Variants in ADIPOR2 observed in about 807,000 individuals in gnomAD.
The protein encoded by ADIPOR2 is adiponectin receptor 2.
Under a neutral mutation model 40.9 loss-of-function variants are expected in ADIPOR2, and 18 were observed. The observed-to-expected ratio is 0.44, with a 90% CI of 0.30 to 0.65. ADIPOR2 has a LOEUF of 0.65. Among genes scored for constraint, ADIPOR2 ranks in the 30% least tolerant of loss-of-function variants. ADIPOR2 has a pLI of 0.09. For synonymous variants in ADIPOR2, 165 were observed against 166.4 expected, an observed-to-expected ratio of 0.99 and a Z score of 0.06; for missense variants, 283 against 479.2, an observed-to-expected ratio of 0.59 and a Z score of 3.82.
chr12:1,784,771 T>G (rs370114813), intron 7 of ADIPOR2, among the ~76,000 whole-genome samples: 1 of 152,180 alleles, frequency 6.6e-6, no homozygotes, highest in African/African-American at 2.4e-5. Flanking sequence ...GAAAAACTTA[T>G]AACCAAAGAG....
At chr12:1,713,431 T>A (rs1762700075) in intron 1 of ADIPOR2, among the ~76,000 whole-genome samples, 1 of 152,108 alleles carries the variant, frequency 6.6e-6, no homozygotes, top group South Asian at 2.1e-4. Flanking sequence ...TGTCTAACAA[T>A]ATCCTGTAAT....
intron 2 of ADIPOR2, among the ~76,000 whole-genome samples, chr12:1,759,238 G>A (rs912555871): frequency 2.0e-5 from 3 of 152,192 alleles, no homozygotes; most frequent in Non-Finnish European, 4.4e-5. Context: ...AAAGCAAATA[G>A]AACGAATATA....
intron 1 of ADIPOR2, among the ~76,000 whole-genome samples, chr12:1,739,215 T>A (rs2094737486): frequency 6.6e-6 from 1 of 152,234 alleles, no homozygotes; most frequent in African/African-American, 2.4e-5. Flanking sequence ...GCTCTCTGCC[T>A]TTATGTCTTT....
At chr12:1,707,641 G>T (rs2094666132) in intron 1 of ADIPOR2, among the ~76,000 whole-genome samples, 1 of 151,790 alleles carries the variant, frequency 6.6e-6, no homozygotes, top group Admixed American at 6.6e-5. Flanking sequence ...ATTTTATTTT[G>T]TAAAAATTTT....
chr12:1,750,560 C>T (rs2094766995), intron 1 of ADIPOR2, among the ~76,000 whole-genome samples: 1 of 151,950 alleles, frequency 6.6e-6, no homozygotes, highest in Non-Finnish European at 1.5e-5. Context: ...AGAGTGAGAC[C>T]CTGTGTCTCT....
intron 1 of ADIPOR2, among the ~76,000 whole-genome samples, chr12:1,735,629 T>C (rs1347137723): frequency 6.6e-6 from 1 of 152,200 alleles, no homozygotes; most frequent in Non-Finnish European, 1.5e-5. Context: ...CTTCCAACAC[T>C]ATGTTGAATA....
intron 1 of ADIPOR2, among the ~76,000 whole-genome samples, chr12:1,694,412 G>A (rs565093646): frequency 1.3e-5 from 2 of 152,262 alleles, no homozygotes; most frequent in South Asian, 2.1e-4. Flanking sequence ...AAATGGCATA[G>A]TATTTGCATA....
At position 1,757,382 on chromosome 12, in the gene ADIPOR2, A is replaced by G. The variant is rs544403913; in HGVS notation, c.171+2868A>G. Reference sequence around the variant, plus strand: ...AAAGTTGAGTGGCAAAGCTGTTTCCATTGGCATCTTTCATGTGAACCACAT... The same window carrying G: ...AAAGTTGAGTGGCAAAGCTGTTTCCGTTGGCATCTTTCATGTGAACCACAT... On this transcript the variant is annotated intron_variant, in intron 2 of 7. Transcript: ENST00000357103. 380 of 718,806 alleles carry G rather than the reference A, an allele frequency of 5.3e-4. 2 individuals are homozygous for G. The highest frequency in any genetic ancestry group is 3.1e-3 in the Admixed American group (154 of 50,352). 44.5% of individuals were successfully genotyped at this position (718,806 alleles called of 1,614,324 possible).
intron 2 of ADIPOR2, among the ~76,000 whole-genome samples, chr12:1,759,570 C>G (rs1465855472): frequency 1.3e-5 from 2 of 152,200 alleles, no homozygotes; most frequent in East Asian, 3.8e-4. Flanking sequence ...CGCCAGGTTT[C>G]TTTAAATCAA....
At chr12:1,767,866 A>G (rs988933018) in intron 2 of ADIPOR2, among the ~76,000 whole-genome samples, 13 of 152,214 alleles carry the variant, frequency 8.5e-5, no homozygotes, top group Non-Finnish European at 1.6e-4. Context: ...GTAAGTGAGC[A>G]TGTTTGCCCA....
At chr12:1,757,860 A>G in intron 2 of ADIPOR2, 2 of 822,668 alleles carry the variant, frequency 2.4e-6, no homozygotes, top group South Asian at 2.7e-5. Context: ...GGCTTACTTA[A>G]GTCTGTTCCT....
chr12:1,700,651 G>A (rs2094648247), intron 1 of ADIPOR2, among the ~76,000 whole-genome samples: 2 of 152,168 alleles, frequency 1.3e-5, no homozygotes, highest in African/African-American at 2.4e-5. Flanking sequence ...AAAAATGGAA[G>A]TATGGTAAAA....
intron 2 of ADIPOR2, among the ~76,000 whole-genome samples, chr12:1,765,474 C>A (rs952568096): frequency 1.3e-4 from 20 of 152,122 alleles, no homozygotes; most frequent in Non-Finnish European, 4.4e-5. Flanking sequence ...TAGAAATATA[C>A]TCATTTCAGA....
chr12:1,773,045 T>C (rs1862519434), intron 3 of ADIPOR2, 84 bp downstream of exon 3: 1 of 1,442,700 alleles, frequency 6.9e-7, no homozygotes, highest in Admixed American at 2.2e-5. Context: ...GGTAGTACTA[T>C]AGCCTTTGGT....
chr12:1,735,796 T>C lies in ADIPOR2; in HGVS notation c.-86-18462T>C, dbSNP rs142728487. On this transcript the variant is annotated intron_variant, in intron 1 of 7. Coordinates refer to ENST00000357103, the MANE Select transcript of ADIPOR2 (RefSeq NM_024551.3). ...TCAATACCTAATTTATTGAGAGTTT[T>C]AGCATGAAGCATTGTTGAATTTTGT... Among the ~76,000 whole-genome samples the C allele has an allele frequency of 1.4e-3, 220 of 152,374 alleles. 5 individuals carry two copies. In the East Asian group the frequency reaches 0.041, roughly 29 times the overall value.
In ADIPOR2 at chr12:1,786,175, T is replaced by A; in HGVS notation, c.*103T>A. 1 of 1,476,732 alleles carries A rather than the reference T, an allele frequency of 6.8e-7. No individual in the cohort carries two copies. The highest frequency in any genetic ancestry group is 9.1e-7 in the Non-Finnish European group (1 of 1,098,118). The allele number at this position is 1,476,732 out of a possible 1,614,324, so 91.5% of individuals were successfully genotyped here. The stretch of plus-strand genomic sequence containing the variant: ...CCAGTACCAGAGGAGCCCCAAAACT[T>A]TGACAGCCTCGTGGGCTTTGTGACG... On this transcript the variant is annotated 3_prime_UTR_variant, in exon 8 of 8. Coordinates refer to ENST00000357103, the MANE Select transcript of ADIPOR2 (RefSeq NM_024551.3).
Position 1,785,995 on chromosome 12 carries a change from C to T in ADIPOR2, c.1084C>T (p.His362Tyr). The change falls in exon 8 of 8, where the codon CAC (histidine) becomes TAC (tyrosine). Residue 362 changes from histidine (H) to tyrosine (Y), a missense_variant. By Grantham distance (83) the His-to-Tyr change is moderately conservative. Coordinates refer to ENST00000357103, the MANE Select transcript of ADIPOR2 (RefSeq NM_024551.3). ...CTTTGTGGTTGCTGGAGCTTTTGTTCACTTCCATGGTGTCTCAAACCTCCA... is the reference window on the plus strand; with the variant it reads ...CTTTGTGGTTGCTGGAGCTTTTGTTTACTTCCATGGTGTCTCAAACCTCCA... ...HIFVVAGAFV[H>Y]FHGVSNLQEF... is the part of the protein sequence containing the mutation. 1.2e-6 allele frequency: 2 copies of T among 1,614,190 alleles called. No homozygotes were observed. Among genetic ancestry groups the T allele is most frequent in the Non-Finnish European group, 1.7e-6 (2 of 1,180,036 alleles).
chr12:1,748,600 T>C lies in ADIPOR2; in HGVS notation c.-86-5658T>C, dbSNP rs566417156. ...ATTTTGAGTTAATTTTTGTATGAAG[T>C]GTGACCTAAATTTACAGGTTGAAGT... On this transcript the variant is annotated intron_variant, in intron 1 of 7. Coordinates refer to ENST00000357103, the MANE Select transcript of ADIPOR2 (RefSeq NM_024551.3). Among the ~76,000 whole-genome samples the C allele has an allele frequency of 5.3e-5, 8 of 152,194 alleles. No individual in the cohort carries two copies. In the East Asian group the frequency reaches 5.8e-4, roughly 11 times the overall value.
In ADIPOR2 at chr12:1,778,870, A is replaced by T. The variant is rs1322817910; in HGVS notation, c.463+845A>T. ...AAAAATGGGTAAAACATCTGAATAG[A>T]TGTTCTTCCAGAGAAGATCTAAAAT... On this transcript the variant is annotated intron_variant, in intron 4 of 7. Coordinates refer to ENST00000357103, the MANE Select transcript of ADIPOR2 (RefSeq NM_024551.3). Among the ~76,000 whole-genome samples, 15 of 152,334 alleles carry T rather than the reference A, an allele frequency of 9.8e-5. 2 individuals are homozygous for T. Among genetic ancestry groups the T allele is most frequent in the Admixed American group, 5.9e-4 (9 of 15,306 alleles).
Sources: allele counts gnomAD v4.1 joint callset (sites outside exome capture counted in the v4.1 genomes callset), GRCh38; gene constraint gnomAD v4.1.1; transcripts MANE v1.5; gene names NCBI Gene and HGNC (gene_info 2026-07-23, HGNC 2026-07-21).